The following SLC14A2 variants were observed in gnomAD, a reference collection of about 807,000 sequenced individuals.
The protein encoded by SLC14A2 is solute carrier family 14 member 2.
SLC14A2 carries 91 observed loss-of-function variants against 104.6 expected under a neutral mutation model. That is an observed-to-expected ratio of 0.87 (90% CI 0.73 to 1.04). The LOEUF (loss-of-function observed/expected upper bound fraction) is 1.04, where lower values mean the gene tolerates loss of function less well. Among genes scored for constraint, SLC14A2 ranks in the 50% least tolerant of loss-of-function variants. SLC14A2 has a pLI of 0.00. For missense variants in SLC14A2, 1,189 were observed against 1,156.0 expected, an observed-to-expected ratio of 1.03 and a Z score of -0.41; for synonymous variants, 476 against 466.4, an observed-to-expected ratio of 1.02 and a Z score of -0.27.
At chr18:45,258,947 A>C (rs2084507514) in intron 1 of SLC14A2, among the ~76,000 whole-genome samples, 1 of 152,216 alleles carries the variant, frequency 6.6e-6, no homozygotes, top group South Asian at 2.1e-4. Context: ...ACATCACCTC[A>C]GAGAAGTGCA....
intron 1 of SLC14A2, among the ~76,000 whole-genome samples, chr18:45,451,446 T>C (rs2086856461): frequency 6.6e-6 from 1 of 151,262 alleles, no homozygotes; most frequent in Non-Finnish European, 1.5e-5. Context: ...AATAACTATC[T>C]GATCCTTGGG....
chr18:45,617,761 C>T (rs993352037), intron 1 of SLC14A2, among the ~76,000 whole-genome samples: 1 of 152,128 alleles, frequency 6.6e-6, no homozygotes, highest in Non-Finnish European at 1.5e-5. Context: ...CCTGATTTTT[C>T]ACCTTCAGAG....
At chr18:45,178,354 CAT>C in the SLC14A2 span, among the ~76,000 whole-genome samples, 1 of 151,606 alleles carries the variant, frequency 6.6e-6, no homozygotes. Context: ...GAAATAAAAA[CAT>C]AAGTAGATGA....
At chr18:45,604,302 A>G (rs1161496957) in intron 2 of SLC14A2, among the ~76,000 whole-genome samples, 1 of 152,204 alleles carries the variant, frequency 6.6e-6, no homozygotes, top group Admixed American at 6.5e-5. Flanking sequence ...GCCATTCACC[A>G]TCATGTGGAG....
intron 2 of SLC14A2, among the ~76,000 whole-genome samples, chr18:45,532,204 G>A (rs1459713574): frequency 3.3e-5 from 5 of 152,130 alleles, no homozygotes; most frequent in East Asian, 1.9e-4. Flanking sequence ...GGTTCCATAC[G>A]AACTTTAAAG....
chr18:45,643,276 G>A lies in SLC14A2; in HGVS notation c.1176+95G>A, dbSNP rs1031551411. 3.5e-5 allele frequency: 38 copies of A among 1,100,418 alleles called. No homozygotes were observed. The Middle Eastern group carries it at 7.8e-4, about 23-fold the overall frequency. The allele number at this position is 1,100,418 out of a possible 1,614,324, so 68.2% of individuals were successfully genotyped here. ...GGGGTCTGGGAAAGGAACATTGAGCGGGTAATGGTAGCTGGTGCTCACACG... is the reference window on the plus strand; with the variant it reads ...GGGGTCTGGGAAAGGAACATTGAGCAGGTAATGGTAGCTGGTGCTCACACG... On this transcript the variant is annotated intron_variant, in intron 9 of 19. Transcript: ENST00000255226.
intron 1 of SLC14A2, among the ~76,000 whole-genome samples, chr18:45,226,024 C>G (rs1221300042): frequency 2.6e-5 from 4 of 152,152 alleles, no homozygotes; most frequent in Non-Finnish European, 5.9e-5. Context: ...TGAACAGACA[C>G]TTCTCAAAAG....
intron 2 of SLC14A2, among the ~76,000 whole-genome samples, chr18:45,505,297 CT>C (rs1212061077): frequency 1.3e-5 from 2 of 152,150 alleles, no homozygotes; most frequent in Non-Finnish European, 2.9e-5. Context: ...CTCCTACCCC[CT>C]GCCACATCCT....
chr18:45,189,334 G>A, the SLC14A2 span, among the ~76,000 whole-genome samples: 19 of 152,300 alleles, frequency 1.2e-4, 1 homozygote, highest in Non-Finnish European at 1.0e-4. Context: ...AATACAATCT[G>A]CTTTATAATG....
chr18:45,261,132 T>C (rs2084532000), intron 1 of SLC14A2, among the ~76,000 whole-genome samples: 1 of 151,912 alleles, frequency 6.6e-6, no homozygotes, highest in African/African-American at 2.4e-5. Flanking sequence ...CATTTAACAT[T>C]AGGTATATCT....
the SLC14A2 span, among the ~76,000 whole-genome samples, chr18:45,181,625 A>T: frequency 2.1e-3 from 317 of 152,364 alleles, 1 homozygote; most frequent in Non-Finnish European, 2.8e-3. Flanking sequence ...GCATAAAAAA[A>T]TGACAATATT....
At chr18:45,322,851 A>G (rs2085198847) in intron 1 of SLC14A2, among the ~76,000 whole-genome samples, 2 of 152,184 alleles carry the variant, frequency 1.3e-5, no homozygotes, top group South Asian at 4.1e-4. Context: ...AGGTTCTTTG[A>G]GTTGGAAGAA....
intron 19 of SLC14A2, 134 bp downstream of exon 19, chr18:45,679,158 C>A: frequency 2.5e-6 from 2 of 786,992 alleles, no homozygotes; most frequent in Non-Finnish European, 4.1e-6. Context: ...AGTCACACTA[C>A]TCACTTCAGC....
At chr18:45,214,697 C>T (rs1051924500) in intron 1 of SLC14A2, among the ~76,000 whole-genome samples, 1 of 151,934 alleles carries the variant, frequency 6.6e-6, no homozygotes, top group Non-Finnish European at 1.5e-5. Flanking sequence ...GATTTCTTGG[C>T]TTGCATGTTT....
intron 1 of SLC14A2, among the ~76,000 whole-genome samples, chr18:45,416,510 C>T (rs1483069468): frequency 6.6e-6 from 1 of 152,094 alleles, no homozygotes; most frequent in Non-Finnish European, 1.5e-5. Context: ...CTGAAATTAA[C>T]CATAATGCAT....
chr18:45,275,024 C>A (rs1192422441), intron 1 of SLC14A2, among the ~76,000 whole-genome samples: 1 of 151,998 alleles, frequency 6.6e-6, no homozygotes, highest in Non-Finnish European at 1.5e-5. Flanking sequence ...TTCCTTTTTC[C>A]AATTTATGAT....
At chr18:45,227,454 G>C (rs34336294) in intron 1 of SLC14A2, among the ~76,000 whole-genome samples, 68 of 152,318 alleles carry the variant, frequency 4.5e-4, no homozygotes, top group African/African-American at 1.6e-3. Context: ...CAAGATCAAG[G>C]CACCAGCATT....
At chr18:45,671,060 T>C (rs565045639) in intron 16 of SLC14A2, among the ~76,000 whole-genome samples, 12 of 152,340 alleles carry the variant, frequency 7.9e-5, no homozygotes, top group Admixed American at 3.3e-4. Context: ...GCAGTTCAGC[T>C]TCTTAAGCTG....
chr18:45,414,757 A>AAAATATAT (rs1360051908), intron 1 of SLC14A2, among the ~76,000 whole-genome samples: 47 of 76,092 alleles, frequency 6.2e-4, no homozygotes, highest in South Asian at 1.1e-3. Context: ...AAAAAAAAAA[A>AAAATATAT]ATATATATAT....
Sources: allele counts gnomAD v4.1 joint callset (sites outside exome capture counted in the v4.1 genomes callset), GRCh38; gene constraint gnomAD v4.1.1; transcripts MANE v1.5; gene names NCBI Gene and HGNC (gene_info 2026-07-23, HGNC 2026-07-21).